The following MAGI3 variants were observed in gnomAD, a reference collection of about 807,000 sequenced individuals.
MAGI3 encodes membrane associated guanylate kinase, WW and PDZ domain containing 3.
A neutral mutation model predicts 121.8 loss-of-function variants in MAGI3; 43 were observed. The observed-to-expected ratio is 0.35, with a 90% CI of 0.28 to 0.46. The LOEUF (loss-of-function observed/expected upper bound fraction) is 0.46. Among genes scored for constraint, MAGI3 ranks in the 20% least tolerant of loss-of-function variants. The pLI is 1.00. For synonymous variants in MAGI3, 553 were observed against 639.3 expected (o/e 0.86, Z 2.04); for missense variants, 1,547 against 1,797.3 (o/e 0.86, Z 2.52).
At chr1:113,574,731 C>T (rs1439956371) in intron 2 of MAGI3, among the ~76,000 whole-genome samples, 1 of 152,118 alleles carries the variant, frequency 6.6e-6, no homozygotes, top group Non-Finnish European at 1.5e-5. Context: ...GAAAGTTGGC[C>T]TCTCTTGCTA....
rs568381459 is a variant in MAGI3, at chr1:113,661,401, T to C, written c.2815+2136T>C. ...AGGCACTATGGTTTTCCAATTCTTG[T>C]AGATGAGGAAACTGAGTCACAGAGC... On this transcript the variant is annotated intron_variant, in intron 16 of 20. Coordinates refer to ENST00000307546, the MANE Select transcript of MAGI3 (RefSeq NM_001142782.2). Among the ~76,000 whole-genome samples, 10 of 152,344 alleles carry C rather than the reference T, an allele frequency of 6.6e-5. No individual in the cohort carries two copies. In the South Asian group the frequency reaches 1.9e-3, roughly 28 times the overall value.
intron 1 of MAGI3, among the ~76,000 whole-genome samples, chr1:113,460,634 C>A (rs1654983154): frequency 6.6e-6 from 1 of 151,888 alleles, no homozygotes; most frequent in African/African-American, 2.4e-5. Context: ...ATGGTGAAAC[C>A]CCATCTCTAC....
intron 9 of MAGI3, among the ~76,000 whole-genome samples, chr1:113,623,346 CTG>C (rs1650963413): frequency 6.6e-6 from 1 of 151,530 alleles, no homozygotes; most frequent in East Asian, 1.9e-4. Flanking sequence ...TTATTGCTGA[CTG>C]TAGTCACCCT....
chr1:113,489,949 A>C (rs183286881), intron 1 of MAGI3, among the ~76,000 whole-genome samples: 1 of 152,284 alleles, frequency 6.6e-6, no homozygotes, highest in East Asian at 1.9e-4. Flanking sequence ...GAATGGAACC[A>C]ACTTGGAAAA....
chr1:113,562,330 G>A (rs2101689859), intron 2 of MAGI3, among the ~76,000 whole-genome samples: 1 of 152,344 alleles, frequency 6.6e-6, no homozygotes, highest in East Asian at 1.9e-4. Context: ...ATGAACCTGG[G>A]AGGTGGAGCT....
chr1:113,530,504 T>G (rs1158539802), intron 1 of MAGI3, among the ~76,000 whole-genome samples: 1 of 152,018 alleles, frequency 6.6e-6, no homozygotes, highest in African/African-American at 2.4e-5. Context: ...GGCACTATGC[T>G]TATTACCTGG....
intron 1 of MAGI3, among the ~76,000 whole-genome samples, chr1:113,430,760 T>C (rs1653262380): frequency 1.3e-5 from 2 of 152,212 alleles, no homozygotes; most frequent in African/African-American, 4.8e-5. Context: ...TAAATTCTTG[T>C]TCTAAAGGAA....
chr1:113,509,872 G>A (rs1343524740), intron 1 of MAGI3, among the ~76,000 whole-genome samples: 1 of 147,322 alleles, frequency 6.8e-6, no homozygotes, highest in African/African-American at 2.5e-5. Flanking sequence ...TCCGAGCCAC[G>A]AGCCTGGCCT....
chr1:113,530,108 A>G (rs1658633582), intron 1 of MAGI3, among the ~76,000 whole-genome samples: 1 of 152,136 alleles, frequency 6.6e-6, no homozygotes, highest in Non-Finnish European at 1.5e-5. Flanking sequence ...TGTTTCCCTT[A>G]GCATTCTTCA....
At chr1:113,468,476 A>G (rs940371687) in intron 1 of MAGI3, among the ~76,000 whole-genome samples, 4 of 152,174 alleles carry the variant, frequency 2.6e-5, no homozygotes, top group African/African-American at 7.2e-5. Context: ...TTTTAATTTT[A>G]TTTAATATAA....
At chr1:113,681,425 A>AT in intron 20 of MAGI3, 89 bp downstream of exon 20, 2 of 1,389,056 alleles carry the variant, frequency 1.4e-6, no homozygotes, top group Non-Finnish European at 2.0e-6. Flanking sequence ...GAGGATAGAT[A>AT]TTTTACTAGT....
intron 12 of MAGI3, among the ~76,000 whole-genome samples, chr1:113,647,737 G>C (rs1027576923): frequency 2.0e-5 from 3 of 152,128 alleles, no homozygotes; most frequent in African/African-American, 7.2e-5. Flanking sequence ...ATAATCCCAA[G>C]CCATATTCAG....
At chr1:113,474,692 C>A (rs1655721714) in intron 1 of MAGI3, among the ~76,000 whole-genome samples, 1 of 152,102 alleles carries the variant, frequency 6.6e-6, no homozygotes, top group Non-Finnish European at 1.5e-5. Context: ...CAGCTTTGTT[C>A]TTTTTGCTTA....
chr1:113,646,727 A>G lies in MAGI3; in HGVS notation c.2155+85A>G, dbSNP rs374805145. The G allele has an allele frequency of 7.5e-6, 8 of 1,072,656 alleles. No individual in the cohort carries two copies. The South Asian group carries it at 1.6e-4, about 22-fold the overall frequency. The allele number at this position is 1,072,656 out of a possible 1,614,324, so 66.4% of individuals were successfully genotyped here. ...AGACTAGGACCTTCCCATCTTTCAG[A>G]AGCATATTGAAAAGTTATTCCTTCA... is the stretch of plus-strand genomic sequence containing the variant. On this transcript the variant is annotated intron_variant, in intron 12 of 20. Coordinates refer to ENST00000307546, the MANE Select transcript of MAGI3 (RefSeq NM_001142782.2).
chr1:113,507,317 G>A (rs1657381833), intron 1 of MAGI3, among the ~76,000 whole-genome samples: 1 of 152,096 alleles, frequency 6.6e-6, no homozygotes, highest in African/African-American at 2.4e-5. Flanking sequence ...ACTCAGCATG[G>A]CATATTATAT....
At chr1:113,531,313 A>G (rs1009478973) in intron 1 of MAGI3, among the ~76,000 whole-genome samples, 14 of 152,188 alleles carry the variant, frequency 9.2e-5, no homozygotes, top group African/African-American at 3.1e-4. Context: ...TTTATCACTG[A>G]CATTGTTTAG....
intron 2 of MAGI3, among the ~76,000 whole-genome samples, chr1:113,556,095 G>T (rs1348421261): frequency 6.6e-6 from 1 of 152,052 alleles, no homozygotes; most frequent in Non-Finnish European, 1.5e-5. Flanking sequence ...GAAACTTACA[G>T]TATTAAATAC....
chr1:113,565,774 G>A (rs1293386884), intron 2 of MAGI3, among the ~76,000 whole-genome samples: 1 of 152,126 alleles, frequency 6.6e-6, no homozygotes, highest in African/African-American at 2.4e-5. Context: ...CCCACCACTA[G>A]CAGATATGGC....
At chr1:113,676,369 C>A (rs1442555265) in intron 19 of MAGI3, among the ~76,000 whole-genome samples, 2 of 152,104 alleles carry the variant, frequency 1.3e-5, no homozygotes, top group African/African-American at 4.8e-5. Context: ...AGTTCAAGAC[C>A]AGTCTGGGCA....
Sources: allele counts gnomAD v4.1 joint callset (sites outside exome capture counted in the v4.1 genomes callset), GRCh38; gene constraint gnomAD v4.1.1; transcripts MANE v1.5; gene names NCBI Gene and HGNC (gene_info 2026-07-23, HGNC 2026-07-21).